Variants in CHST11 observed in about 807,000 individuals in gnomAD.
The protein encoded by CHST11 is C4S-1.
Under a neutral mutation model 30.4 loss-of-function variants are expected in CHST11, and 9 were observed. That is an observed-to-expected ratio of 0.30 (90% CI 0.18 to 0.52). CHST11 has a LOEUF of 0.52. Among genes scored for constraint, CHST11 ranks in the 20% least tolerant of loss-of-function variants. The probability of loss-of-function intolerance (pLI) is 0.97; values close to 1 mark genes in which losing one functional copy is unlikely to be tolerated. For synonymous variants in CHST11, 152 were observed against 187.8 expected (o/e 0.81, Z 1.56); for missense variants, 348 against 460.6 (o/e 0.76, Z 2.24).
chr12:104,543,868 C>A (rs1261595376), intron 1 of CHST11, among the ~76,000 whole-genome samples: 1 of 152,002 alleles, frequency 6.6e-6, no homozygotes, highest in Non-Finnish European at 1.5e-5. Flanking sequence ...GAGGTATGCA[C>A]CTATAGTCCC....
chr12:104,681,471 T>C (rs1333546513), intron 2 of CHST11, among the ~76,000 whole-genome samples: 2 of 152,206 alleles, frequency 1.3e-5, no homozygotes, highest in African/African-American at 4.8e-5. Flanking sequence ...GTGATAAATA[T>C]ATTCTAAAAT....
chr12:104,462,117 A>T (rs2037413221), intron 1 of CHST11, among the ~76,000 whole-genome samples: 1 of 144,900 alleles, frequency 6.9e-6, no homozygotes, highest in Non-Finnish European at 1.5e-5. Flanking sequence ...CAGTGAGCTG[A>T]GATTGTGCCA....
chr12:104,583,721 C>CTTTTTTTTTTTTTTTT (rs1297368145), intron 1 of CHST11, among the ~76,000 whole-genome samples: 131 of 10,072 alleles, frequency 0.013, 1 homozygote, highest in African/African-American at 0.014. Flanking sequence ...AGATCTCTCT[C>CTTTTTTTTTTTTTTTT]TTTTTTTTGA....
chr12:104,519,229 G>T (rs537872594), intron 1 of CHST11, among the ~76,000 whole-genome samples: 1 of 152,118 alleles, frequency 6.6e-6, no homozygotes, highest in South Asian at 2.1e-4. Flanking sequence ...TAGGATTTTT[G>T]TGCTGTCTGT....
intron 2 of CHST11, among the ~76,000 whole-genome samples, chr12:104,605,820 T>C (rs1317593315): frequency 1.3e-5 from 2 of 152,110 alleles, no homozygotes; most frequent in Non-Finnish European, 2.9e-5. Flanking sequence ...CAGAGCTGCA[T>C]TGTCAGCCAT....
At chr12:104,718,701 A>G (rs1592856592) in intron 2 of CHST11, among the ~76,000 whole-genome samples, 1 of 152,128 alleles carries the variant, frequency 6.6e-6, no homozygotes, top group Non-Finnish European at 1.5e-5. Context: ...CCTCCCTGCC[A>G]CCCAGGACTG....
chr12:104,624,054 G>A lies in CHST11; in HGVS notation c.204+22063G>A, dbSNP rs985876683. 2.0e-5 allele frequency among the ~76,000 whole-genome samples: 3 copies of A among 152,190 alleles called. No homozygotes were observed. In the South Asian group the frequency reaches 6.2e-4, roughly 32 times the overall value. ...GGGGAGTGAAGCCTGCAGCCTTGAT[G>A]GAGGGAAGGTATGTGGAAAATGAAT... On this transcript the variant is annotated intron_variant, in intron 2 of 2. Coordinates refer to ENST00000303694, the MANE Select transcript of CHST11 (RefSeq NM_018413.6).
chr12:104,508,792 A>G (rs982186201), intron 1 of CHST11, among the ~76,000 whole-genome samples: 2 of 152,188 alleles, frequency 1.3e-5, no homozygotes, highest in Admixed American at 6.5e-5. Flanking sequence ...AGTCTTTCTT[A>G]TAGCTGGTCC....
chr12:104,566,119 A>G (rs548883923), intron 1 of CHST11, among the ~76,000 whole-genome samples: 2 of 152,338 alleles, frequency 1.3e-5, no homozygotes, highest in African/African-American at 4.8e-5. Flanking sequence ...AAGGGCTTGG[A>G]AGCCATTCTC....
At chr12:104,590,035 A>AAATAAAT (rs1211350127) in intron 1 of CHST11, among the ~76,000 whole-genome samples, 1 of 150,796 alleles carries the variant, frequency 6.6e-6, no homozygotes, top group Admixed American at 6.6e-5. Flanking sequence ...ATAAATAAAT[A>AAATAAAT]AATGAAGATG....
chr12:104,708,558 G>T (rs1013507549), intron 2 of CHST11, among the ~76,000 whole-genome samples: 2 of 152,186 alleles, frequency 1.3e-5, no homozygotes. Context: ...GGCCAAGCTT[G>T]CAAGGTGCTC....
chr12:104,590,516 C>T (rs752628146), intron 1 of CHST11, among the ~76,000 whole-genome samples: 3 of 152,152 alleles, frequency 2.0e-5, no homozygotes, highest in Non-Finnish European at 4.4e-5. Context: ...TTGTGATAGA[C>T]AAGACAGTCC....
intron 1 of CHST11, among the ~76,000 whole-genome samples, chr12:104,584,006 C>A (rs1191189167): frequency 6.6e-6 from 1 of 152,214 alleles, no homozygotes; most frequent in Non-Finnish European, 1.5e-5. Context: ...AGCCACCGCA[C>A]CCCGTCCAAA....
At chr12:104,610,089 G>GTGTGTC (rs1555236218) in intron 2 of CHST11, among the ~76,000 whole-genome samples, 9 of 107,956 alleles carry the variant, frequency 8.3e-5, no homozygotes, top group African/African-American at 3.3e-4. Context: ...GTGTGTGTGT[G>GTGTGTC]TGTGTGTCTG....
chr12:104,737,495 G>A (rs1421904725), intron 2 of CHST11, among the ~76,000 whole-genome samples: 2 of 152,206 alleles, frequency 1.3e-5, no homozygotes, highest in Admixed American at 6.5e-5. Context: ...GATGCCTGAC[G>A]CATCACAGAG....
intron 1 of CHST11, among the ~76,000 whole-genome samples, chr12:104,548,026 C>A (rs2038367732): frequency 6.6e-6 from 1 of 152,184 alleles, no homozygotes; most frequent in Non-Finnish European, 1.5e-5. Flanking sequence ...TGACCTCCCA[C>A]CTTCAGACTT....
At chr12:104,727,300 A>G (rs554175935) in intron 2 of CHST11, among the ~76,000 whole-genome samples, 223 of 152,328 alleles carry the variant, frequency 1.5e-3, no homozygotes, top group African/African-American at 4.2e-3. Flanking sequence ...AGCTCATCCT[A>G]TTCAGCCCTT....
At position 104,669,087 on chromosome 12, in the gene CHST11, G is replaced by A. The variant is rs190103145; in HGVS notation, c.204+67096G>A. On this transcript the variant is annotated intron_variant, in intron 2 of 2. Coordinates refer to ENST00000303694, the MANE Select transcript of CHST11 (RefSeq NM_018413.6). ...GCACTGAGGAAGTCCCCACTGCAGC[G>A]TGCGTTAGACGTACGCACCCCTCTG... 1.0e-3 allele frequency among the ~76,000 whole-genome samples: 158 copies of A among 152,344 alleles called. 1 individual carries two copies. The highest frequency in any genetic ancestry group is 3.3e-3 in the African/African-American group (136 of 41,578).
intron 2 of CHST11, among the ~76,000 whole-genome samples, chr12:104,607,686 G>A (rs985858802): frequency 1.3e-5 from 2 of 152,184 alleles, no homozygotes; most frequent in Non-Finnish European, 2.9e-5. Flanking sequence ...GAACTGTGAG[G>A]GGTTTGTGGC....
Sources: allele counts gnomAD v4.1 joint callset (sites outside exome capture counted in the v4.1 genomes callset), GRCh38; gene constraint gnomAD v4.1.1; transcripts MANE v1.5; gene names NCBI Gene and HGNC (gene_info 2026-07-23, HGNC 2026-07-21).